The following ABTB3 variants were observed in gnomAD, a reference collection of about 807,000 sequenced individuals.
ABTB3 encodes ankyrin repeat- and BTB/POZ domain-containing protein 3.
At chr12:107,405,687 C>G in the ABTB3 span, among the ~76,000 whole-genome samples, 58 of 152,364 alleles carry the variant, frequency 3.8e-4, no homozygotes, top group Middle Eastern at 3.4e-3. Flanking sequence ...AAGCCGGTCC[C>G]TGGGGGGGCT....
the ABTB3 span, among the ~76,000 whole-genome samples, chr12:107,370,975 G>A: frequency 6.6e-6 from 1 of 151,890 alleles, no homozygotes; most frequent in Non-Finnish European, 1.5e-5. Context: ...CCCTCAGAGG[G>A]CGTTTATCTC....
At chr12:107,508,194 C>G in the ABTB3 span, among the ~76,000 whole-genome samples, 1 of 151,654 alleles carries the variant, frequency 6.6e-6, no homozygotes, top group Admixed American at 6.6e-5. Flanking sequence ...CCTGTATCTC[C>G]CATTGCTTAG....
chr12:107,494,061 G>A, the ABTB3 span, among the ~76,000 whole-genome samples: 4 of 152,308 alleles, frequency 2.6e-5, no homozygotes, highest in South Asian at 4.1e-4. Context: ...ACTACACAGG[G>A]AGGTATTAGG....
At chr12:107,351,027 T>C in the ABTB3 span, among the ~76,000 whole-genome samples, 29 of 152,102 alleles carry the variant, frequency 1.9e-4, no homozygotes, top group African/African-American at 6.8e-4. Context: ...GCTAGTAAGA[T>C]TGGAAACCGG....
At chr12:107,491,053 T>C in the ABTB3 span, among the ~76,000 whole-genome samples, 2 of 152,142 alleles carry the variant, frequency 1.3e-5, no homozygotes, top group South Asian at 4.2e-4. Context: ...CCAGGAGTCA[T>C]GGTGTGCATA....
At chr12:107,567,399 T>C in the ABTB3 span, among the ~76,000 whole-genome samples, 1 of 152,240 alleles carries the variant, frequency 6.6e-6, no homozygotes, top group East Asian at 1.9e-4. Context: ...TACATAAGGA[T>C]GGTCCCATGA....
the ABTB3 span, among the ~76,000 whole-genome samples, chr12:107,453,084 G>A: frequency 6.6e-6 from 1 of 152,152 alleles, no homozygotes; most frequent in Non-Finnish European, 1.5e-5. Flanking sequence ...AAGGTCTAGG[G>A]AATCGCATGT....
chr12:107,331,521 C>T, the ABTB3 span, among the ~76,000 whole-genome samples: 13 of 152,126 alleles, frequency 8.5e-5, no homozygotes, highest in African/African-American at 3.1e-4. Flanking sequence ...CCGGGGGGAC[C>T]GGGGACACCA....
At chr12:107,529,277 G>C in the ABTB3 span, among the ~76,000 whole-genome samples, 4 of 151,610 alleles carry the variant, frequency 2.6e-5, no homozygotes, top group Non-Finnish European at 5.9e-5. Flanking sequence ...TGATGATGGT[G>C]ATGGTGATGA....
the ABTB3 span, among the ~76,000 whole-genome samples, chr12:107,654,838 A>ACG: frequency 6.7e-6 from 1 of 149,302 alleles, no homozygotes; most frequent in African/African-American, 2.5e-5. Flanking sequence ...ACACACACAC[A>ACG]CACACACACA....
chr12:107,608,346 C>T, the ABTB3 span, among the ~76,000 whole-genome samples: 2 of 152,186 alleles, frequency 1.3e-5, no homozygotes, highest in African/African-American at 2.4e-5. Flanking sequence ...GGCTGGCCAT[C>T]CAACCATATC....
chr12:107,482,605 AT>A, the ABTB3 span, among the ~76,000 whole-genome samples: 1 of 151,940 alleles, frequency 6.6e-6, no homozygotes, highest in Admixed American at 6.6e-5. Flanking sequence ...CTTCTAGTAA[AT>A]ATGCATGGGG....
the ABTB3 span, chr12:107,635,520 C>G: frequency 4.6e-6 from 3 of 649,306 alleles, no homozygotes; most frequent in Non-Finnish European, 7.6e-6. Flanking sequence ...GGAGTCAGGC[C>G]GGGGGAGATC....
the ABTB3 span, among the ~76,000 whole-genome samples, chr12:107,362,142 A>G: frequency 6.6e-6 from 1 of 152,226 alleles, no homozygotes; most frequent in East Asian, 1.9e-4. Flanking sequence ...ACAGACTAAG[A>G]GTGGCTTAGT....
chr12:107,504,311 T>C, the ABTB3 span, among the ~76,000 whole-genome samples: 2 of 152,278 alleles, frequency 1.3e-5, no homozygotes, highest in South Asian at 2.1e-4. Context: ...GCCATTAACA[T>C]CTACACTACG....
At chr12:107,398,262 G>C in the ABTB3 span, among the ~76,000 whole-genome samples, 2 of 152,258 alleles carry the variant, frequency 1.3e-5, no homozygotes, top group Middle Eastern at 3.4e-3. Context: ...TGAGGCCCAC[G>C]TTTGTTTCCT....
the ABTB3 span, among the ~76,000 whole-genome samples, chr12:107,488,720 A>G: frequency 1.3e-5 from 2 of 151,558 alleles, no homozygotes; most frequent in East Asian, 1.9e-4. Context: ...ATTTTTAAGT[A>G]TAGTTTAGTG....
chr12:107,468,357 T>A, the ABTB3 span, among the ~76,000 whole-genome samples: 1 of 152,218 alleles, frequency 6.6e-6, no homozygotes, highest in Admixed American at 6.5e-5. Context: ...AGCTGACCAG[T>A]CAGTGGCCTT....
At chr12:107,320,735 G>A in the ABTB3 span, 9 of 454,378 alleles carry the variant, frequency 2.0e-5, no homozygotes, top group Non-Finnish European at 3.5e-5. Flanking sequence ...GGGGCTGCGG[G>A]ATGGACAAAG....
Sources: allele counts gnomAD v4.1 joint callset (sites outside exome capture counted in the v4.1 genomes callset), GRCh38; gene constraint gnomAD v4.1.1; transcripts MANE v1.5; gene names NCBI Gene and HGNC (gene_info 2026-07-23, HGNC 2026-07-21).